Variants in EYS observed in about 807,000 individuals in gnomAD.
EYS encodes protein eyes shut homolog.
In EYS, 250 loss-of-function variants were observed where a neutral mutation model predicts 282.1. The observed-to-expected ratio is 0.89, with a 90% confidence interval of 0.80 to 0.98. The LOEUF is 0.98. Ranked by LOEUF, EYS falls within the 50% of genes least tolerant of loss-of-function variation. The pLI, the probability that EYS is intolerant of heterozygous loss-of-function variation, is 0.00. For missense variants in EYS, 4,016 were observed against 3,709.0 expected (o/e 1.08, Z -2.15); for synonymous variants, 1,355 against 1,282.9 (o/e 1.06, Z -1.20).
chr6:65,276,237 G>C (rs921808335), intron 12 of EYS, among the ~76,000 whole-genome samples: 5 of 152,084 alleles, frequency 3.3e-5, no homozygotes, highest in African/African-American at 4.8e-5. Flanking sequence ...GTCCATAGAT[G>C]AGTTATTTCT....
At position 64,886,694 on chromosome 6, in the gene EYS, T is replaced by TA. The variant is rs1767095570; in HGVS notation, c.2992+2dup. On this transcript the variant is annotated splice_region_variant and intron_variant, in intron 19 of 42. Transcript: ENST00000503581. ...GCTGCACATGGGACAGATATGGATTTACCTGTATAACCAGGGGCACAGAGG... is the reference window on the plus strand; with the variant it reads ...GCTGCACATGGGACAGATATGGATTTAACCTGTATAACCAGGGGCACAGAGG... 1 of 1,543,078 alleles carries TA rather than the reference T, an allele frequency of 6.5e-7. No homozygotes were observed. The highest frequency in any genetic ancestry group is 2.0e-5 in the Admixed American group (1 of 49,982).
intron 12 of EYS, among the ~76,000 whole-genome samples, chr6:65,064,348 CATATAGT>C (rs1251705634): frequency 7.1e-6 from 1 of 141,618 alleles, no homozygotes; most frequent in African/African-American, 2.6e-5. Context: ...TGCTATATAT[CATATAGT>C]ATATGATATA....
intron 34 of EYS, among the ~76,000 whole-genome samples, chr6:63,992,702 C>G (rs976490990): frequency 1.3e-5 from 2 of 151,424 alleles, no homozygotes; most frequent in Non-Finnish European, 3.0e-5. Flanking sequence ...AGGAAGAAAG[C>G]AAGAAAGGAA....
chr6:65,276,333 T>A (rs1768047099), intron 12 of EYS, among the ~76,000 whole-genome samples: 1 of 152,068 alleles, frequency 6.6e-6, no homozygotes, highest in South Asian at 2.1e-4. Context: ...AAAAAATTAT[T>A]GCTTTTTGTT....
At chr6:63,983,923 A>G (rs1767226019) in intron 35 of EYS, among the ~76,000 whole-genome samples, 1 of 151,800 alleles carries the variant, frequency 6.6e-6, no homozygotes, top group African/African-American at 2.4e-5. Flanking sequence ...AAAAGAGAAA[A>G]CAGATATAGG....
At chr6:64,830,756 C>A (rs1366404662) in intron 19 of EYS, among the ~76,000 whole-genome samples, 1 of 151,932 alleles carries the variant, frequency 6.6e-6, no homozygotes, top group Non-Finnish European at 1.5e-5. Flanking sequence ...TTTTAGAAAG[C>A]AGGTAGATCT....
intron 22 of EYS, among the ~76,000 whole-genome samples, chr6:64,647,741 C>A (rs929557362): frequency 6.6e-6 from 1 of 152,034 alleles, no homozygotes; most frequent in Non-Finnish European, 1.5e-5. Flanking sequence ...ATTCTTCAAA[C>A]TTTTTTTCTT....
Position 64,639,748 on chromosome 6 carries a change from G to C in EYS, c.3444-13503C>G, listed in dbSNP as rs71570686. ...ATTAAACTAAAGAGCTTCTGCACAG[G>C]AAAGGAAACTACCATCAGAGTGAAC... On this transcript the variant is annotated intron_variant, in intron 22 of 42. Transcript: ENST00000503581. Among the ~76,000 whole-genome samples, 12 of 90,850 alleles carry C rather than the reference G, an allele frequency of 1.3e-4. 1 individual carries two copies. Among genetic ancestry groups the C allele is most frequent in the Non-Finnish European group, 1.9e-4 (8 of 42,154 alleles). 59.6% of individuals were successfully genotyped at this position (90,850 alleles called of 152,430 possible).
intron 12 of EYS, among the ~76,000 whole-genome samples, chr6:65,077,150 G>A (rs1488652635): frequency 6.6e-6 from 1 of 152,034 alleles, no homozygotes; most frequent in African/African-American, 2.4e-5. Flanking sequence ...CTGATGTACT[G>A]CTACGAGACA....
At chr6:65,511,411 C>T (rs935049118) in intron 2 of EYS, among the ~76,000 whole-genome samples, 2 of 151,768 alleles carry the variant, frequency 1.3e-5, no homozygotes, top group African/African-American at 4.8e-5. Flanking sequence ...AATTTAAATA[C>T]TCACCTATCT....
chr6:63,879,670 G>T (rs1012776522), intron 35 of EYS, among the ~76,000 whole-genome samples: 1 of 152,164 alleles, frequency 6.6e-6, no homozygotes, highest in Admixed American at 6.5e-5. Flanking sequence ...GGGACAGTTT[G>T]GTTAGCTTCT....
intron 26 of EYS, among the ~76,000 whole-genome samples, chr6:64,553,341 A>G (rs538308625): frequency 4.6e-5 from 7 of 152,252 alleles, no homozygotes; most frequent in Non-Finnish European, 7.4e-5. Flanking sequence ...TTATTTTTAC[A>G]CTGACAGGAT....
chr6:65,053,023 A>G (rs992646576), intron 13 of EYS, among the ~76,000 whole-genome samples: 5 of 151,830 alleles, frequency 3.3e-5, no homozygotes, highest in Admixed American at 1.3e-4. Flanking sequence ...AGGATCTGTA[A>G]TTTTAGTACT....
chr6:65,002,742 T>G (rs144472146), intron 13 of EYS, among the ~76,000 whole-genome samples: 2,644 of 147,974 alleles, frequency 0.018, 146 homozygotes, highest in African/African-American at 0.06. Context: ...AGGGACCGGC[T>G]GAAGCCATGG....
At chr6:64,124,053 T>C (rs1773680841) in intron 31 of EYS, among the ~76,000 whole-genome samples, 1 of 152,150 alleles carries the variant, frequency 6.6e-6, no homozygotes, top group Non-Finnish European at 1.5e-5. Flanking sequence ...AAAAATGATG[T>C]ATAAAATAGC....
chr6:64,432,452 A>G (rs1300083959), intron 28 of EYS, among the ~76,000 whole-genome samples: 1 of 151,772 alleles, frequency 6.6e-6, no homozygotes, highest in Admixed American at 6.6e-5. Context: ...TTAAGCGGTG[A>G]CTTTAAATGG....
intron 31 of EYS, among the ~76,000 whole-genome samples, chr6:64,119,264 G>C (rs1318134272): frequency 6.6e-6 from 1 of 152,028 alleles, no homozygotes; most frequent in Non-Finnish European, 1.5e-5. Flanking sequence ...ATTTTATTGA[G>C]TATTTTTACA....
intron 35 of EYS, among the ~76,000 whole-genome samples, chr6:63,903,278 AGGGGT>A (rs1455744142): frequency 2.0e-5 from 3 of 152,164 alleles, no homozygotes; most frequent in Non-Finnish European, 2.9e-5. Flanking sequence ...AATACATGTG[AGGGGT>A]AGGAAGGTCA....
chr6:65,256,332 A>G (rs1408725738), intron 12 of EYS, among the ~76,000 whole-genome samples: 3 of 140,272 alleles, frequency 2.1e-5, no homozygotes, highest in Non-Finnish European at 4.6e-5. Flanking sequence ...GGTTAGTTAC[A>G]TATGTATACA....
Sources: gnomAD v4.1 joint callset for allele counts (sites outside exome capture counted in the v4.1 genomes callset) on GRCh38, gnomAD v4.1.1 for gene constraint, MANE v1.5 for transcripts, NCBI Gene and HGNC (gene_info 2026-07-23, HGNC 2026-07-21) for gene names.